SYTL2: variants seen among roughly 807,000 people sequenced by gnomAD.
SYTL2 encodes the protein synaptotagmin-like protein 2.
In SYTL2, 165 loss-of-function variants were observed where a neutral mutation model predicts 198.7. That is an observed-to-expected ratio of 0.83 (90% CI 0.73 to 0.94). The LOEUF (loss-of-function observed/expected upper bound fraction) is 0.94, where lower values mean the gene tolerates loss of function less well. SYTL2 is among the 40% of genes least tolerant of loss of function. The pLI, the probability that SYTL2 is intolerant of heterozygous loss-of-function variation, is 0.00. For synonymous variants in SYTL2, 966 were observed against 917.7 expected, an observed-to-expected ratio of 1.05 and a Z score of -0.95; for missense variants, 2,835 against 2,582.8, an observed-to-expected ratio of 1.10 and a Z score of -2.12.
At chr11:85,814,843 A>G (rs374758743), upstream of SYTL2, among the ~76,000 whole-genome samples, 1 of 152,198 alleles carries the variant, frequency 6.6e-6, no homozygotes, top group South Asian at 2.1e-4. Context: ...CTTCTTATGC[A>G]TCAAGGCCTA....
the SYTL2 span, among the ~76,000 whole-genome samples, chr11:85,819,559 A>G: frequency 1.3e-5 from 2 of 152,236 alleles, no homozygotes; most frequent in Non-Finnish European, 2.9e-5. Context: ...CTGGATCCCA[A>G]GCATTGCAAG....
At chr11:85,761,487 C>CACGG (rs1404996379) in intron 1 of SYTL2, among the ~76,000 whole-genome samples, 1 of 152,148 alleles carries the variant, frequency 6.6e-6, no homozygotes, top group Non-Finnish European at 1.5e-5. Flanking sequence ...CCGGAAAGGA[C>CACGG]ACGGGTAAGA....
intron 2 of SYTL2, among the ~76,000 whole-genome samples, chr11:85,754,872 C>T (rs757176907): frequency 2.0e-4 from 31 of 152,086 alleles, no homozygotes; most frequent in African/African-American, 6.5e-4. Context: ...AGAATAACAA[C>T]GATGAGCAGA....
At chr11:85,710,996 G>A in intron 13 of SYTL2, 117 bp downstream of exon 13, 1 of 1,134,208 alleles carries the variant, frequency 8.8e-7, no homozygotes, top group Non-Finnish European at 1.2e-6. Flanking sequence ...ATGGATTAGA[G>A]AAACTGTTTG....
intron 1 of SYTL2, among the ~76,000 whole-genome samples, chr11:85,800,645 T>C (rs1174100234): frequency 3.3e-5 from 5 of 152,146 alleles, no homozygotes; most frequent in African/African-American, 1.2e-4. Flanking sequence ...TTGCTTTTAG[T>C]TCCTGGCTGC....
At chr11:85,819,623 C>G in the SYTL2 span, among the ~76,000 whole-genome samples, 2 of 152,172 alleles carry the variant, frequency 1.3e-5, no homozygotes, top group African/African-American at 4.8e-5. Context: ...GTTCATTTGG[C>G]CAAAGCAGGT....
intron 7 of SYTL2, among the ~76,000 whole-genome samples, chr11:85,731,199 C>T (rs1591789109): frequency 6.6e-6 from 1 of 152,168 alleles, no homozygotes; most frequent in Non-Finnish European, 1.5e-5. Context: ...CCCCACAGAG[C>T]TACCATTGAC....
In SYTL2 at chr11:85,724,507, CTG is replaced by C; in HGVS notation, c.4849_4850del (p.Gln1617AspfsTer3). ...TVPHFYRAAS[Q>X]TSEMKDKSNG... Reference sequence around the variant, plus strand: ...TACTTTTATCCTTCATTTCAGAGGTCTGTGAGGCTGCCCTGTAAAAATGGGGC... The same window carrying C: ...TACTTTTATCCTTCATTTCAGAGGTCTGAGGCTGCCCTGTAAAAATGGGGC... On this transcript the variant is annotated frameshift_variant, in exon 8 of 20. Transcript: ENST00000359152. LOFTEE classifies it high-confidence loss of function. 6.2e-7 allele frequency: 1 copy of C among 1,613,944 alleles called. No individual in the cohort carries two copies. Among genetic ancestry groups the C allele is most frequent in the Non-Finnish European group, 8.5e-7 (1 of 1,180,004 alleles).
chr11:85,767,828 A>G, intron 1 of SYTL2, among the ~76,000 whole-genome samples: 2 of 152,156 alleles, frequency 1.3e-5, no homozygotes, highest in East Asian at 3.8e-4. Flanking sequence ...AGATGATTGT[A>G]ATATGCAGCC....
chr11:85,779,665 A>G (rs1265984609), intron 1 of SYTL2, among the ~76,000 whole-genome samples: 1 of 151,592 alleles, frequency 6.6e-6, no homozygotes, highest in Non-Finnish European at 1.5e-5. Flanking sequence ...CAGAAGTAGG[A>G]CTTAAAAAAG....
In SYTL2 at chr11:85,733,701, G is replaced by A. The variant is rs181447561; in HGVS notation, c.1390+238C>T. 851 of 327,810 alleles carry A rather than the reference G, an allele frequency of 2.6e-3. 8 individuals are homozygous for A. Among genetic ancestry groups the A allele is most frequent in the African/African-American group, 0.014 (618 of 44,978 alleles). The allele number at this position is 327,810 out of a possible 1,614,324, so 20.3% of individuals were successfully genotyped here. ...TGCAAGCTCCGCTTCCCGGGTTCAC[G>A]CCATTCTCCTGCCTCAGCCTCCCGA... On this transcript the variant is annotated intron_variant, in intron 7 of 19. Transcript: ENST00000359152.
At chr11:85,718,879 T>G in intron 9 of SYTL2, 36 bp from the exon 10 acceptor site, 1 of 1,609,440 alleles carries the variant, frequency 6.2e-7, no homozygotes, top group Non-Finnish European at 8.5e-7. Context: ...TTAACATGGC[T>G]GACCCTTGGA....
intron 7 of SYTL2, among the ~76,000 whole-genome samples, chr11:85,732,514 T>C (rs2089918152): frequency 6.6e-6 from 1 of 152,070 alleles, no homozygotes. Flanking sequence ...CCACCGCATG[T>C]TCTCACCCAT....
In SYTL2 at chr11:85,725,185, T is replaced by C. The variant is rs748157564; in HGVS notation, c.4173A>G (p.Val1391=). Residue 1391 remains valine (V), a synonymous_variant, in exon 8 of 20, where the codon GTA becomes GTG. Transcript: ENST00000359152. ...ATTCTGGGTTCACTTCTCCAGGACC[T>C]ACTTCCCTTCCAGCTGGATAACTTA... ...VWLSYPAGRE[V]GPGEVNPEFP... is the part of the protein sequence containing the mutation. 1.4e-5 allele frequency: 22 copies of C among 1,614,146 alleles called. No individual in the cohort carries two copies. Among genetic ancestry groups the C allele is most frequent in the Non-Finnish European group, 1.8e-5 (21 of 1,180,008 alleles).
Position 85,783,194 on chromosome 11 carries a change from A to G in SYTL2, c.-389-25080T>C, listed in dbSNP as rs534295795. 1.6e-4 allele frequency among the ~76,000 whole-genome samples: 25 copies of G among 152,310 alleles called. 1 individual carries two copies. In the South Asian group the frequency reaches 5.2e-3, roughly 32 times the overall value. ...CTGGGGAGGCCTCGGGAAACTTACG[A>G]TCATGACAGAAGGGGAAGCAAACAT... On this transcript the variant is annotated intron_variant, in intron 1 of 19. Transcript: ENST00000359152.
intron 1 of SYTL2, among the ~76,000 whole-genome samples, chr11:85,761,457 G>A (rs755277157): frequency 7.9e-5 from 12 of 152,214 alleles, no homozygotes; most frequent in Non-Finnish European, 1.6e-4. Flanking sequence ...ATGCCCCCAG[G>A]AGAGCAGGAG....
chr11:85,789,148 T>C lies in SYTL2; in HGVS notation c.-390+21806A>G, dbSNP rs989014906. On this transcript the variant is annotated intron_variant, in intron 1 of 19. Transcript: ENST00000359152. ...CATTTTGAGATAGGGTCTCACTCTGTTGCCCAGGCACAATCCTAGCTCACT... is the reference window on the plus strand; with the variant it reads ...CATTTTGAGATAGGGTCTCACTCTGCTGCCCAGGCACAATCCTAGCTCACT... Among the ~76,000 whole-genome samples the C allele has an allele frequency of 3.3e-5, 5 of 150,652 alleles. No individual in the cohort carries two copies. In the East Asian group the frequency reaches 5.8e-4, roughly 18 times the overall value.
intron 1 of SYTL2, among the ~76,000 whole-genome samples, chr11:85,767,112 A>G (rs1175898350): frequency 1.3e-5 from 2 of 152,252 alleles, no homozygotes; most frequent in African/African-American, 2.4e-5. Flanking sequence ...TTGTATATCA[A>G]TTGTTTTCAG....
the SYTL2 span, among the ~76,000 whole-genome samples, chr11:85,840,554 A>G: frequency 2.6e-5 from 4 of 152,216 alleles, no homozygotes; most frequent in Non-Finnish European, 5.9e-5. Context: ...AACAGAATAG[A>G]GAGCTCAGAA....
Sources: gnomAD v4.1 joint callset for allele counts (sites outside exome capture counted in the v4.1 genomes callset) on GRCh38, gnomAD v4.1.1 for gene constraint, MANE v1.5 for transcripts, NCBI Gene and HGNC (gene_info 2026-07-23, HGNC 2026-07-21) for gene names.